The following GNAL variants were observed in gnomAD, a reference collection of about 807,000 sequenced individuals.
GNAL encodes the protein G protein subunit alpha L.
Under a neutral mutation model 55.1 loss-of-function variants are expected in GNAL, and 18 were observed. The observed-to-expected ratio is 0.33, with a 90% CI of 0.23 to 0.48. The LOEUF (loss-of-function observed/expected upper bound fraction) is 0.48, where lower values mean the gene tolerates loss of function less well. Ranked by LOEUF, GNAL falls within the 20% of genes least tolerant of loss-of-function variation. The probability of loss-of-function intolerance (pLI) is 0.99; values close to 1 mark genes in which losing one functional copy is unlikely to be tolerated. For synonymous variants in GNAL, 253 were observed against 237.0 expected (o/e 1.07, Z -0.62); for missense variants, 412 against 614.1 (o/e 0.67, Z 3.48).
In GNAL at chr18:11,731,551, G is replaced by A. The variant is rs188542472; in HGVS notation, c.377-21302G>A. Reference sequence around the variant, plus strand: ...TTTTATTTTTAGTTTACGATAGGTCGAATATAGTCCTTGACAAAACAGAAG... The same window carrying A: ...TTTTATTTTTAGTTTACGATAGGTCAAATATAGTCCTTGACAAAACAGAAG... On this transcript the variant is annotated intron_variant, in intron 1 of 11. Coordinates refer to ENST00000334049, the MANE Select transcript of GNAL (RefSeq NM_182978.4). Among the ~76,000 whole-genome samples the A allele has an allele frequency of 2.7e-4, 41 of 152,296 alleles. No homozygotes were observed. The East Asian group carries it at 4.6e-3, about 17-fold the overall frequency.
At chr18:11,783,471 C>T (rs2033976159) in intron 4 of GNAL, among the ~76,000 whole-genome samples, 1 of 152,162 alleles carries the variant, frequency 6.6e-6, no homozygotes, top group African/African-American at 2.4e-5. Flanking sequence ...TTATATTGTG[C>T]CTGCAAAGCC....
intron 4 of GNAL, among the ~76,000 whole-genome samples, chr18:11,789,974 TGAA>T (rs932156497): frequency 2.6e-5 from 4 of 152,230 alleles, no homozygotes; most frequent in African/African-American, 4.8e-5. Context: ...CAGGAATAGT[TGAA>T]GAAGGTCAGA....
intron 4 of GNAL, among the ~76,000 whole-genome samples, chr18:11,754,485 G>C (rs984059388): frequency 6.6e-6 from 1 of 152,094 alleles, no homozygotes; most frequent in Non-Finnish European, 1.5e-5. Flanking sequence ...GGGGAAGGCT[G>C]ATAATCGGGA....
At chr18:11,730,031 C>CTTTT (rs1431492708) in intron 1 of GNAL, among the ~76,000 whole-genome samples, 16 of 151,424 alleles carry the variant, frequency 1.1e-4, no homozygotes, top group African/African-American at 3.7e-4. Context: ...TTTTTCTTTT[C>CTTTT]TTTTCTTTTC....
At chr18:11,851,087 G>C (rs1342720147) in intron 5 of GNAL, among the ~76,000 whole-genome samples, 3 of 152,204 alleles carry the variant, frequency 2.0e-5, no homozygotes, top group Admixed American at 6.5e-5. Flanking sequence ...GCCAAGTTTG[G>C]AGCGTGGGTA....
At chr18:11,742,931 T>C (rs1284675128) in intron 1 of GNAL, among the ~76,000 whole-genome samples, 2 of 152,244 alleles carry the variant, frequency 1.3e-5, no homozygotes, top group African/African-American at 4.8e-5. Flanking sequence ...AAATTGGTCT[T>C]AGAGTGTTCT....
At chr18:11,731,014 A>G (rs1241708316) in intron 1 of GNAL, among the ~76,000 whole-genome samples, 1 of 152,206 alleles carries the variant, frequency 6.6e-6, no homozygotes, top group Non-Finnish European at 1.5e-5. Flanking sequence ...TTATTGCCAC[A>G]CAGAATCTAT....
chr18:11,768,685 G>A (rs1301560488), intron 4 of GNAL, among the ~76,000 whole-genome samples: 1 of 150,660 alleles, frequency 6.6e-6, no homozygotes, highest in Admixed American at 6.7e-5. Context: ...ACGAGGTCAG[G>A]AGATCAAGAA....
intron 4 of GNAL, among the ~76,000 whole-genome samples, chr18:11,791,610 A>T (rs988101831): frequency 6.6e-6 from 1 of 152,230 alleles, no homozygotes; most frequent in African/African-American, 2.4e-5. Context: ...GATAGTAAAC[A>T]CACACAAAAA....
chr18:11,719,484 A>C (rs1675775967), intron 1 of GNAL, among the ~76,000 whole-genome samples: 1 of 152,188 alleles, frequency 6.6e-6, no homozygotes, highest in Non-Finnish European at 1.5e-5. Flanking sequence ...CTGGCATTTT[A>C]TTCAAACAGA....
At chr18:11,699,939 C>T (rs1000763402) in intron 1 of GNAL, among the ~76,000 whole-genome samples, 2 of 152,092 alleles carry the variant, frequency 1.3e-5, no homozygotes, top group Admixed American at 6.5e-5. Context: ...CTGTGCCTGT[C>T]GGGGCAGGGA....
chr18:11,846,655 A>G (rs919424607), intron 5 of GNAL, among the ~76,000 whole-genome samples: 2 of 151,828 alleles, frequency 1.3e-5, no homozygotes, highest in Non-Finnish European at 2.9e-5. Flanking sequence ...TATTTTTTGT[A>G]GAGACCGGGT....
rs539192401 is a variant in GNAL, at chr18:11,751,305, G to A, written c.377-1548G>A. On this transcript the variant is annotated intron_variant, in intron 1 of 11. Transcript: ENST00000334049. The surrounding 1 kb of genome is among the most constrained non-coding windows in gnomAD (Gnocchi z 4.5). ...GGAGGGGTCTCAGTAACGGAGGGCA[G>A]GTGCCAGTCTCGCGCCCTAGTTCGT... 3.3e-5 allele frequency among the ~76,000 whole-genome samples: 5 copies of A among 152,328 alleles called. No individual in the cohort carries two copies. The highest frequency in any genetic ancestry group is 2.0e-4 in the Admixed American group (3 of 15,310).
chr18:11,723,011 C>CA (rs61457198), intron 1 of GNAL, among the ~76,000 whole-genome samples: 2,904 of 79,870 alleles, frequency 0.036, 67 homozygotes, highest in African/African-American at 0.061. Context: ...AACTTCATCT[C>CA]AAAAAAAAAA....
intron 4 of GNAL, among the ~76,000 whole-genome samples, chr18:11,779,640 A>G (rs533627858): frequency 1.3e-5 from 2 of 152,250 alleles, no homozygotes; most frequent in East Asian, 1.9e-4. Context: ...AATGCGGGTC[A>G]ATGGGAATGG....
chr18:11,855,949 GCAA>G (rs2035998152), intron 5 of GNAL, among the ~76,000 whole-genome samples: 1 of 150,804 alleles, frequency 6.6e-6, no homozygotes, highest in Non-Finnish European at 1.5e-5. Flanking sequence ...TCCAGCCTGG[GCAA>G]CAAGAGCGAA....
intron 9 of GNAL, among the ~76,000 whole-genome samples, chr18:11,870,545 T>A (rs1236253322): frequency 1.4e-5 from 2 of 146,156 alleles, no homozygotes; most frequent in Non-Finnish European, 3.0e-5. Context: ...AAAATTTTTT[T>A]AATTTTGAAA....
chr18:11,766,012 G>A (rs752645435), intron 4 of GNAL, among the ~76,000 whole-genome samples: 4 of 152,178 alleles, frequency 2.6e-5, no homozygotes, highest in African/African-American at 4.8e-5. Flanking sequence ...CTAGTTTTAT[G>A]TAACTGAGAG....
Position 11,795,575 on chromosome 18 carries a change from G to A in GNAL, c.625-29343G>A, listed in dbSNP as rs1046094359. ...TAAGGATGGCGACAGAAGAGCAGATGTAGTGAAAGGCTTTGTACTTAGTGT... is the reference window on the plus strand; with the variant it reads ...TAAGGATGGCGACAGAAGAGCAGATATAGTGAAAGGCTTTGTACTTAGTGT... On this transcript the variant is annotated intron_variant, in intron 4 of 11. Coordinates refer to ENST00000334049, the MANE Select transcript of GNAL (RefSeq NM_182978.4). Among the ~76,000 whole-genome samples the A allele has an allele frequency of 4.6e-5, 7 of 152,322 alleles. No individual in the cohort carries two copies. In the South Asian group the frequency reaches 1.5e-3, roughly 32 times the overall value.
Sources: allele counts gnomAD v4.1 joint callset (sites outside exome capture counted in the v4.1 genomes callset), GRCh38; gene constraint gnomAD v4.1.1; non-coding constraint Gnocchi (gnomAD v3.1); transcripts MANE v1.5; gene names NCBI Gene and HGNC (gene_info 2026-07-23, HGNC 2026-07-21).